AFDN: variants seen among roughly 807,000 people sequenced by gnomAD.
AFDN encodes the protein afadin, adherens junction formation factor.
Under a neutral mutation model 216.6 loss-of-function variants are expected in AFDN, and 68 were observed. The ratio of observed to expected loss-of-function variants is 0.31; its 90% CI spans 0.26 to 0.38. The LOEUF (loss-of-function observed/expected upper bound fraction) is 0.38. Among genes scored for constraint, AFDN ranks in the 10% least tolerant of loss-of-function variants. The pLI, the probability that AFDN is intolerant of heterozygous loss-of-function variation, is 1.00. For missense variants in AFDN, 2,136 were observed against 2,342.0 expected, an observed-to-expected ratio of 0.91 and a Z score of 1.82; for synonymous variants, 868 against 853.7, an observed-to-expected ratio of 1.02 and a Z score of -0.29.
intron 1 of AFDN, among the ~76,000 whole-genome samples, chr6:167,860,794 G>A (rs1263680372): frequency 6.6e-6 from 1 of 152,190 alleles, no homozygotes. Flanking sequence ...GGAGTCCCTC[G>A]TGAGCAGGAA....
chr6:167,944,680 A>G (rs765842064), intron 26 of AFDN, among the ~76,000 whole-genome samples: 3 of 152,032 alleles, frequency 2.0e-5, no homozygotes, highest in South Asian at 2.1e-4. Context: ...GGTGTAGCCT[A>G]TTGCTCCTAG....
chr6:167,848,928 G>A (rs1054615706), intron 1 of AFDN, among the ~76,000 whole-genome samples: 26 of 152,108 alleles, frequency 1.7e-4, no homozygotes, highest in Non-Finnish European at 3.8e-4. Context: ...CCATACTGCT[G>A]GAACTGGGTG....
chr6:167,885,122 AG>A (rs1168307650), intron 6 of AFDN, among the ~76,000 whole-genome samples: 3 of 151,300 alleles, frequency 2.0e-5, no homozygotes, highest in African/African-American at 7.3e-5. Flanking sequence ...ATAGAATTGA[AG>A]AGAGTTAGGG....
At chr6:167,922,714 C>G in intron 21 of AFDN, 142 bp from the exon 22 acceptor site, 1 of 523,112 alleles carries the variant, frequency 1.9e-6, no homozygotes, top group Non-Finnish European at 3.4e-6. Context: ...TCTGGTAATT[C>G]AGTTTGCAGA....
At chr6:167,862,827 C>A (rs536954760) in intron 1 of AFDN, among the ~76,000 whole-genome samples, 1 of 152,300 alleles carries the variant, frequency 6.6e-6, no homozygotes, top group East Asian at 1.9e-4. Flanking sequence ...CATGTAGCTC[C>A]CATTTTGCCA....
At chr6:167,897,369 A>G (rs1788391822) in intron 10 of AFDN, among the ~76,000 whole-genome samples, 1 of 152,350 alleles carries the variant, frequency 6.6e-6, no homozygotes, top group Admixed American at 6.5e-5. Context: ...ATGGTTCTCA[A>G]GTACTTAAAA....
chr6:167,849,269 C>T (rs1011863025), intron 1 of AFDN, among the ~76,000 whole-genome samples: 11 of 152,032 alleles, frequency 7.2e-5, no homozygotes, highest in Admixed American at 1.3e-4. Context: ...TTTTTTCTTT[C>T]CCTTGATTTT....
At chr6:167,921,808 TAAA>T (rs3837051) in intron 21 of AFDN, among the ~76,000 whole-genome samples, 3 of 148,314 alleles carry the variant, frequency 2.0e-5, no homozygotes, top group Admixed American at 6.7e-5. Context: ...ATTTAAAAAA[TAAA>T]AAAAAAAACT....
At chr6:167,835,205 A>G (rs1780286815) in intron 1 of AFDN, among the ~76,000 whole-genome samples, 1 of 152,212 alleles carries the variant, frequency 6.6e-6, no homozygotes, top group South Asian at 2.1e-4. Flanking sequence ...GAAGCTCTCA[A>G]ACTCTCAGTA....
At chr6:167,835,819 TG>T (rs1562525469) in intron 1 of AFDN, among the ~76,000 whole-genome samples, 1 of 152,106 alleles carries the variant, frequency 6.6e-6, no homozygotes, top group Admixed American at 6.6e-5. Context: ...CAGAGAACCT[TG>T]GGGGTTCATG....
rs1245109026 is a variant in AFDN at position 167,880,507 on chromosome 6, G to A, written c.887G>A (p.Cys296Tyr). Residue 296 changes from cysteine (C) to tyrosine (Y), a missense_variant, in exon 6 of 34, where the codon TGC (cysteine) becomes TAC (tyrosine). Physicochemically the swap from Cys to Tyr is radical, Grantham distance 194 (BLOSUM62 -2). Around this residue, in one of 8 missense-constraint regions of AFDN, gnomAD observed 817 missense variants for 965.7 expected, o/e 0.85. Coordinates refer to ENST00000683244, the MANE Select transcript of AFDN (RefSeq NM_001386888.1). ...GLEKENPKDY[C>Y]IARVMLPPGA... The stretch of plus-strand genomic sequence containing the variant: ...GAAAAAGAAAACCCTAAGGATTACT[G>A]CATCGCCCGGGTAAGGAACTTTATC... 1.2e-6 allele frequency: 2 copies of A among 1,613,380 alleles called. No individual in the cohort carries two copies. Among genetic ancestry groups the A allele is most frequent in the African/African-American group, 2.7e-5 (2 of 74,902 alleles).
intron 21 of AFDN, 84 bp downstream of exon 21, chr6:167,919,017 C>A: frequency 2.4e-6 from 3 of 1,225,956 alleles, no homozygotes; most frequent in Non-Finnish European, 2.3e-6. Flanking sequence ...ATAGGGTAGT[C>A]CACTTGTGTG....
At chr6:167,843,099 C>T (rs1781253598) in intron 1 of AFDN, among the ~76,000 whole-genome samples, 1 of 152,152 alleles carries the variant, frequency 6.6e-6, no homozygotes, top group African/African-American at 2.4e-5. Flanking sequence ...GGGTAGCTGA[C>T]AAAGTTGGGA....
At position 167,951,244 on chromosome 6, in the gene AFDN, A is replaced by G; in HGVS notation, c.3890A>G (p.His1297Arg). The G allele has an allele frequency of 6.2e-7, 1 of 1,609,248 alleles. No individual in the cohort carries two copies. The highest frequency in any genetic ancestry group is 8.5e-7 in the Non-Finnish European group (1 of 1,178,260). ...REDKAYQLER[H>R]RIEAAMDRKS... ...GATAAAGCTTACCAACTTGAGCGGC[A>G]TCGAATAGAGGCAGCTATGGACCGA... Residue 1297 changes from histidine to arginine, a missense_variant, in exon 30 of 34, where the codon CAT becomes CGT. This residue lies in a region of AFDN where 981 missense variants were observed against 966.0 expected (regional missense o/e 1.02). Coordinates refer to ENST00000683244, the MANE Select transcript of AFDN (RefSeq NM_001386888.1). This position sits in a 1 kb window ranked among gnomAD's most constrained non-coding sequence, Gnocchi z 7.1.
chr6:167,852,130 A>G (rs1407989961), intron 1 of AFDN, among the ~76,000 whole-genome samples: 2 of 152,154 alleles, frequency 1.3e-5, no homozygotes, highest in Admixed American at 6.5e-5. Flanking sequence ...TTCAACCATC[A>G]TGCAATAATC....
intron 8 of AFDN, among the ~76,000 whole-genome samples, chr6:167,891,835 CAG>C (rs1787655322): frequency 6.6e-6 from 1 of 152,132 alleles, no homozygotes; most frequent in African/African-American, 2.4e-5. Context: ...CTGTGAAGAT[CAG>C]AGTGGTGCAC....
chr6:167,913,280 C>T (rs1790635432), intron 15 of AFDN, 123 bp from the exon 16 acceptor site: 1 of 926,354 alleles, frequency 1.1e-6, no homozygotes, highest in South Asian at 1.5e-5. Flanking sequence ...AATAACATAA[C>T]TAAATGTCGT....
In AFDN at chr6:167,962,816, C is replaced by T; in HGVS notation, c.4968+249C>T. The T allele has an allele frequency of 1.5e-6, 2 of 1,344,098 alleles. No individual in the cohort carries two copies. The highest frequency in any genetic ancestry group is 1.9e-6 in the Non-Finnish European group (2 of 1,045,484). 83.3% of individuals were successfully genotyped at this position (1,344,098 alleles called of 1,614,324 possible). A position where few individuals can be genotyped will look rare whatever the true frequency, so the allele number is the denominator to read the frequency against. ...TCCTTCAAACTTCTGAACTCTTGGG[C>T]GTGTGTAGCAGTGAGCCTCTTTGCA... On this transcript the variant is annotated intron_variant, in intron 31 of 33. Transcript: ENST00000683244. The surrounding 1 kb of genome is among the most constrained non-coding windows in gnomAD (Gnocchi z 5.2).
chr6:167,853,428 C>T (rs2128186427), intron 1 of AFDN, among the ~76,000 whole-genome samples: 1 of 152,132 alleles, frequency 6.6e-6, no homozygotes, highest in Non-Finnish European at 1.5e-5. Context: ...AATTTAAAGT[C>T]AAAAGCTGTT....
Sources: gnomAD v4.1 joint callset for allele counts (sites outside exome capture counted in the v4.1 genomes callset) on GRCh38, gnomAD v4.1.1 for gene constraint, gnomAD v4.1.1 regional missense constraint, Gnocchi (gnomAD v3.1) non-coding constraint, MANE v1.5 for transcripts, NCBI Gene and HGNC (gene_info 2026-07-23, HGNC 2026-07-21) for gene names.